The following NWD1 variants were observed in gnomAD, a reference collection of about 807,000 sequenced individuals.
NWD1 encodes NACHT domain- and WD repeat-containing protein 1.
NWD1 carries 129 observed loss-of-function variants against 135.1 expected under a neutral mutation model. That is an observed-to-expected ratio of 0.96 (90% CI 0.83 to 1.11). NWD1 has a LOEUF of 1.11. Among genes scored for constraint, NWD1 ranks in the 50% least tolerant of loss-of-function variants. The pLI, the probability that NWD1 is intolerant of heterozygous loss-of-function variation, is 0.00. For synonymous variants in NWD1, 773 were observed against 786.0 expected, an observed-to-expected ratio of 0.98 and a Z score of 0.28; for missense variants, 1,740 against 1,851.3, an observed-to-expected ratio of 0.94 and a Z score of 1.10.
Position 16,807,568 on chromosome 19 carries a change from A to G in NWD1, c.3737-18A>G. The G allele has an allele frequency of 6.6e-7, 1 of 1,514,606 alleles. No individual in the cohort carries two copies. Among genetic ancestry groups the G allele is most frequent in the Non-Finnish European group, 8.8e-7 (1 of 1,131,116 alleles). 93.8% of individuals were successfully genotyped at this position (1,514,606 alleles called of 1,614,324 possible). A position where few individuals can be genotyped will look rare whatever the true frequency, so the allele number is the denominator to read the frequency against. ...TTCACTCTCAGTGTAAGTCATTCTC[A>G]TTTTTCTTCCCTGGCAGGCGAGGAA... On this transcript the variant is annotated intron_variant, in intron 17 of 18. Coordinates refer to ENST00000524140, the MANE Select transcript of NWD1 (RefSeq NM_001007525.5).
Position 16,741,368 on chromosome 19 carries a change from GTT to G in NWD1, c.199-3037_199-3036del, listed in dbSNP as rs11292982. On this transcript the variant is annotated intron_variant, in intron 4 of 18. Transcript: ENST00000524140. ...TTTTTTTGTTTTGTTTTGTTTTTGT[GTT>G]TTTTTTTTTTTTTTTGAGACAGTCT... Among the ~76,000 whole-genome samples the G allele has an allele frequency of 1.8e-3, 230 of 124,982 alleles. 1 individual carries two copies. Among genetic ancestry groups the G allele is most frequent in the African/African-American group, 4.2e-3 (141 of 33,306 alleles). 82.0% of individuals were successfully genotyped at this position (124,982 alleles called of 152,430 possible). A position where few individuals can be genotyped will look rare whatever the true frequency, so the allele number is the denominator to read the frequency against.
Position 16,759,263 on chromosome 19 carries a change from C to T in NWD1, c.1808C>T (p.Ser603Phe). The T allele has an allele frequency of 6.2e-7, 1 of 1,614,114 alleles. No individual in the cohort carries two copies. The highest frequency in any genetic ancestry group is 8.5e-7 in the Non-Finnish European group (1 of 1,179,996). ...LSEAELKDVL[S>F]LDDEVLQDVY... is the part of the protein sequence containing the mutation. Reference sequence around the variant, plus strand: ...GAGGCGGAGCTGAAGGATGTTTTGTCCCTGGACGACGAGGTCCTGCAGGAT... The same window carrying T: ...GAGGCGGAGCTGAAGGATGTTTTGTTCCTGGACGACGAGGTCCTGCAGGAT... Residue 603 changes from serine (S) to phenylalanine (F), a missense_variant, in exon 7 of 19, where the codon TCC becomes TTC. Physicochemically the swap from Ser to Phe is radical, Grantham distance 155. Transcript: ENST00000524140.
At chr19:16,731,168 T>C (rs1475211162) in intron 2 of NWD1, 24 bp from the exon 3 acceptor site, 8 of 1,308,996 alleles carry the variant, frequency 6.1e-6, no homozygotes, top group Admixed American at 4.0e-5. Flanking sequence ...TTTCCACTAA[T>C]ACCCTCCATG....
At chr19:16,788,395 C>A (rs1420278463) in intron 12 of NWD1, among the ~76,000 whole-genome samples, 9 of 150,270 alleles carry the variant, frequency 6.0e-5, no homozygotes. Flanking sequence ...ATAGTCAAAC[C>A]CGTCTCCACT....
chr19:16,797,738 G>A lies in NWD1; in HGVS notation c.3311G>A (p.Gly1104Glu). 1.2e-6 allele frequency: 2 copies of A among 1,613,848 alleles called. No homozygotes were observed. Among genetic ancestry groups the A allele is most frequent in the Non-Finnish European group, 1.7e-6 (2 of 1,179,850 alleles). The change falls in exon 16 of 19, where the codon GGA becomes GAA. Residue 1104 changes from glycine (G) to glutamate (E), a missense_variant. Coordinates refer to ENST00000524140, the MANE Select transcript of NWD1 (RefSeq NM_001007525.5). ...EDESLLAAGF[G>E]RSVRIFLADS... The stretch of plus-strand genomic sequence containing the variant: ...CCAGTTCCTGCCGTTTCAGGCTTTG[G>A]AAGATCGGTGCGGATATTCTTGGCG...
At chr19:16,725,247 G>A (rs772755053) in intron 2 of NWD1, among the ~76,000 whole-genome samples, 5 of 151,370 alleles carry the variant, frequency 3.3e-5, no homozygotes, top group East Asian at 2.0e-4. Context: ...CAAATGATTC[G>A]CCTGTCTTGG....
intron 13 of NWD1, 60 bp downstream of exon 13, chr19:16,789,250 A>G: frequency 1.5e-6 from 2 of 1,367,346 alleles, no homozygotes; most frequent in South Asian, 2.4e-5. Flanking sequence ...CAAAGACAGA[A>G]TAGGCCATTT....
intron 5 of NWD1, chr19:16,745,268 C>G (rs1320898919): frequency 6.0e-6 from 2 of 330,934 alleles, no homozygotes; most frequent in African/African-American, 2.2e-5. Context: ...ATTCAATTAT[C>G]TCCCACCAGG....
At chr19:16,782,320 G>C (rs189431622) in intron 12 of NWD1, among the ~76,000 whole-genome samples, 87 of 147,596 alleles carry the variant, frequency 5.9e-4, no homozygotes, top group African/African-American at 2.1e-3. Flanking sequence ...TTTTAAATTA[G>C]CCAGGCATGG....
intron 4 of NWD1, among the ~76,000 whole-genome samples, chr19:16,738,995 G>A (rs1208549760): frequency 8.9e-6 from 1 of 112,604 alleles, no homozygotes; most frequent in South Asian, 2.8e-4. Flanking sequence ...AGCCTCCTGG[G>A]TAGCTGGGAT....
At position 16,815,194 on chromosome 19, in the gene NWD1, A is replaced by C; in HGVS notation, c.*155A>C. The C allele has an allele frequency of 1.2e-6, 1 of 831,734 alleles. No individual in the cohort carries two copies. Among genetic ancestry groups the C allele is most frequent in the South Asian group, 1.3e-5 (1 of 75,618 alleles). The allele number at this position is 831,734 out of a possible 1,614,324, so 51.5% of individuals were successfully genotyped here. On this transcript the variant is annotated 3_prime_UTR_variant, in exon 19 of 19. Transcript: ENST00000524140. ...ACCCTCTTAAGAACTTCAAGAAGGC[A>C]ATGTGGATGGTCAAATCCAGGCAGA...
At chr19:16,798,470 G>A (rs1970493054) in intron 16 of NWD1, among the ~76,000 whole-genome samples, 1 of 152,028 alleles carries the variant, frequency 6.6e-6, no homozygotes, top group Non-Finnish European at 1.5e-5. Context: ...AATTAGCCGG[G>A]CGTCATGGCA....
chr19:16,788,864 A>T (rs1970145568), intron 12 of NWD1, 118 bp from the exon 13 acceptor site: 1 of 741,294 alleles, frequency 1.3e-6, no homozygotes, highest in East Asian at 2.5e-5. Flanking sequence ...TCACAATTCA[A>T]TTCCATCCAT....
chr19:16,725,930 T>C (rs1334008956), intron 2 of NWD1, among the ~76,000 whole-genome samples: 1 of 151,378 alleles, frequency 6.6e-6, no homozygotes, highest in Non-Finnish European at 1.5e-5. Context: ...GGCACCATCA[T>C]GCCATAGCTA....
rs201290991 is a variant in NWD1, at chr19:16,762,123, G to C, written c.2118G>C (p.Leu706=). 1.9e-5 allele frequency: 30 copies of C among 1,613,422 alleles called. No homozygotes were observed. Among genetic ancestry groups the C allele is most frequent in the South Asian group, 2.2e-5 (2 of 91,036 alleles). ...LITLPLVGKP[L]NLDRKVAPQP... Reference sequence around the variant, plus strand: ...CTCTGCCACTTGTGGGGAAACCACTGAACTTGGACCGAAAGGTGAGGTACC... The same window carrying C: ...CTCTGCCACTTGTGGGGAAACCACTCAACTTGGACCGAAAGGTGAGGTACC... The change falls in exon 8 of 19, where the codon CTG becomes CTC. Residue 706 remains leucine, a synonymous_variant. Coordinates refer to ENST00000524140, the MANE Select transcript of NWD1 (RefSeq NM_001007525.5).
chr19:16,786,171 A>G (rs1232934992), intron 12 of NWD1, among the ~76,000 whole-genome samples: 2 of 144,006 alleles, frequency 1.4e-5, no homozygotes, highest in African/African-American at 5.8e-5. Flanking sequence ...GCCTATTTTT[A>G]TTATTTTTAC....
rs1483840978 is a variant in NWD1, at chr19:16,817,517, G to T, written c.*2478G>T. On this transcript the variant is annotated 3_prime_UTR_variant, in exon 19 of 19. Coordinates refer to ENST00000524140, the MANE Select transcript of NWD1 (RefSeq NM_001007525.5). ...CTTGGGAGGCTGAGGCAGGAGAATG[G>T]CTTGAACCCGGGAGGCGGAGGTTGC... 1.6e-5 allele frequency: 2 copies of T among 128,660 alleles called. No individual in the cohort carries two copies. Among genetic ancestry groups the T allele is most frequent in the Non-Finnish European group, 3.3e-5 (2 of 60,666 alleles). 8.0% of individuals were successfully genotyped at this position (128,660 alleles called of 1,614,324 possible).
chr19:16,773,858 CTCTA>C (rs1475379088), intron 11 of NWD1, among the ~76,000 whole-genome samples: 8 of 150,466 alleles, frequency 5.3e-5, no homozygotes, highest in South Asian at 2.1e-4. Flanking sequence ...TCATTCATCT[CTCTA>C]TCTACCTCCC....
chr19:16,776,569 CAA>C (rs112573511), intron 11 of NWD1, among the ~76,000 whole-genome samples: 14 of 103,042 alleles, frequency 1.4e-4, no homozygotes, highest in Non-Finnish European at 1.1e-4. Context: ...CTCCGTCTCA[CAA>C]AAAAAAAAAA....
Sources: allele counts gnomAD v4.1 joint callset (sites outside exome capture counted in the v4.1 genomes callset), GRCh38; gene constraint gnomAD v4.1.1; transcripts MANE v1.5; gene names NCBI Gene and HGNC (gene_info 2026-07-23, HGNC 2026-07-21).